The following MRPL1 variants were observed in gnomAD, a reference collection of about 807,000 sequenced individuals.
The protein encoded by MRPL1 is mitochondrial ribosomal protein L1.
A neutral mutation model predicts 38.0 loss-of-function variants in MRPL1; 28 were observed. The observed-to-expected ratio is 0.74, with a 90% CI of 0.55 to 1.01. The LOEUF is 1.01. Ranked by LOEUF, MRPL1 falls within the 50% of genes least tolerant of loss-of-function variation. The pLI is 0.00. For missense variants in MRPL1, 358 were observed against 389.8 expected (o/e 0.92, Z 0.69); for synonymous variants, 123 against 126.7 (o/e 0.97, Z 0.20).
At chr4:77,940,492 CAG>C (rs1187672536) in intron 7 of MRPL1, among the ~76,000 whole-genome samples, 14 of 152,162 alleles carry the variant, frequency 9.2e-5, no homozygotes, top group Non-Finnish European at 1.8e-4. Context: ...CATCAGCAAA[CAG>C]TGACAATTTG....
intron 4 of MRPL1, among the ~76,000 whole-genome samples, chr4:77,885,680 T>C (rs548564536): frequency 2.0e-5 from 3 of 152,300 alleles, no homozygotes; most frequent in African/African-American, 7.2e-5. Context: ...ATTTAATTTT[T>C]TTTAGAGATC....
At chr4:77,929,676 T>C (rs1736801269) in intron 7 of MRPL1, among the ~76,000 whole-genome samples, 1 of 152,026 alleles carries the variant, frequency 6.6e-6, no homozygotes. Context: ...TGTAGATAAA[T>C]AATGTTTTCT....
chr4:77,903,754 A>C (rs1053062231), intron 6 of MRPL1, among the ~76,000 whole-genome samples: 1 of 152,222 alleles, frequency 6.6e-6, no homozygotes, highest in African/African-American at 2.4e-5. Flanking sequence ...TTTCATAGAA[A>C]ACTGGTAAAT....
chr4:77,917,732 C>T lies in MRPL1; in HGVS notation c.777+8360C>T, dbSNP rs377101814. Among the ~76,000 whole-genome samples the T allele has an allele frequency of 7.9e-5, 12 of 152,042 alleles. No individual in the cohort carries two copies. In the East Asian group the frequency reaches 1.7e-3, roughly 22 times the overall value. The stretch of plus-strand genomic sequence containing the variant: ...GCGAGATAGATATGTAAATAAAGTA[C>T]AGGAAAATGTGGTGAGTATAATAAT... On this transcript the variant is annotated intron_variant, in intron 7 of 8. Coordinates refer to ENST00000315567, the MANE Select transcript of MRPL1 (RefSeq NM_020236.4).
At chr4:77,935,654 C>A (rs1471436342) in intron 7 of MRPL1, among the ~76,000 whole-genome samples, 6 of 152,134 alleles carry the variant, frequency 3.9e-5, no homozygotes, top group African/African-American at 1.4e-4. Context: ...CCTTGGCCTG[C>A]CAAAGTGCTG....
intron 2 of MRPL1, among the ~76,000 whole-genome samples, chr4:77,882,410 C>T (rs889988846): frequency 1.3e-5 from 2 of 152,310 alleles, no homozygotes; most frequent in Middle Eastern, 3.4e-3. Flanking sequence ...GTGCAGCCAT[C>T]ACTGTAATCA....
intron 2 of MRPL1, among the ~76,000 whole-genome samples, chr4:77,876,325 G>A (rs961798354): frequency 2.0e-5 from 3 of 152,086 alleles, no homozygotes; most frequent in Non-Finnish European, 4.4e-5. Context: ...GTTGGGCTTC[G>A]TCTTTTTCTC....
At chr4:77,866,850 C>T (rs536378879) in intron 1 of MRPL1, among the ~76,000 whole-genome samples, 3 of 151,412 alleles carry the variant, frequency 2.0e-5, no homozygotes, top group Admixed American at 6.6e-5. Flanking sequence ...TGGGTTCAGA[C>T]GATTCTCCTG....
chr4:77,875,767 A>ATGAATAC (rs1193224930), intron 2 of MRPL1, among the ~76,000 whole-genome samples: 1 of 152,176 alleles, frequency 6.6e-6, no homozygotes, highest in Non-Finnish European at 1.5e-5. Flanking sequence ...TGAATATAAG[A>ATGAATAC]TGAATACGGA....
intron 6 of MRPL1, among the ~76,000 whole-genome samples, chr4:77,900,189 A>G (rs950911645): frequency 2.0e-5 from 3 of 152,214 alleles, no homozygotes; most frequent in Admixed American, 1.3e-4. Flanking sequence ...AGGAGAAGCT[A>G]TTCTTTTTCA....
chr4:77,866,548 CG>C (rs1016302156), intron 1 of MRPL1, among the ~76,000 whole-genome samples: 12 of 152,082 alleles, frequency 7.9e-5, no homozygotes, highest in Non-Finnish European at 2.9e-5. Context: ...CTCCTACCCC[CG>C]CCTCACCCAG....
chr4:77,865,457 TG>T (rs1297013379), intron 1 of MRPL1, among the ~76,000 whole-genome samples: 1 of 151,854 alleles, frequency 6.6e-6, no homozygotes, highest in Admixed American at 6.6e-5. Context: ...GATCTCACTG[TG>T]TTGGCCAGGC....
intron 1 of MRPL1, among the ~76,000 whole-genome samples, chr4:77,869,816 C>T (rs1735233986): frequency 6.6e-6 from 1 of 152,076 alleles, no homozygotes; most frequent in Admixed American, 6.6e-5. Context: ...GTCTCAAACT[C>T]CTGACCTCAG....
At chr4:77,901,899 T>C (rs1736043183) in intron 6 of MRPL1, among the ~76,000 whole-genome samples, 1 of 152,308 alleles carries the variant, frequency 6.6e-6, no homozygotes, top group South Asian at 2.1e-4. Flanking sequence ...AAATGTTGTT[T>C]GGTGTTGAAC....
At chr4:77,867,044 C>A (rs1235992509) in intron 1 of MRPL1, among the ~76,000 whole-genome samples, 1 of 152,058 alleles carries the variant, frequency 6.6e-6, no homozygotes, top group Admixed American at 6.5e-5. Flanking sequence ...CCATGCCTGG[C>A]CTCAAATGTC....
chr4:77,922,681 T>C (rs1736606045), intron 7 of MRPL1, among the ~76,000 whole-genome samples: 1 of 152,198 alleles, frequency 6.6e-6, no homozygotes, highest in Admixed American at 6.5e-5. Flanking sequence ...ATTGAATGGA[T>C]ATGAGGTGTG....
intron 7 of MRPL1, among the ~76,000 whole-genome samples, chr4:77,940,346 T>C (rs960503132): frequency 1.3e-5 from 2 of 152,210 alleles, no homozygotes; most frequent in Non-Finnish European, 2.9e-5. Context: ...ATTCTCAGCT[T>C]GGTTGCTGTT....
intron 3 of MRPL1, among the ~76,000 whole-genome samples, chr4:77,884,219 T>C (rs1578041850): frequency 6.9e-6 from 1 of 145,172 alleles, no homozygotes; most frequent in African/African-American, 2.6e-5. Flanking sequence ...CACTCCAGCC[T>C]GGGCGACAGA....
chr4:77,907,295 A>T, intron 6 of MRPL1: 1 of 510,590 alleles, frequency 2.0e-6, no homozygotes, highest in Non-Finnish European at 2.5e-6. Context: ...TAGGAGAGAA[A>T]TAGTTTATTT....
Sources: gnomAD v4.1 joint callset for allele counts (sites outside exome capture counted in the v4.1 genomes callset) on GRCh38, gnomAD v4.1.1 for gene constraint, MANE v1.5 for transcripts, NCBI Gene and HGNC (gene_info 2026-07-23, HGNC 2026-07-21) for gene names.